The following SUGCT variants were observed in gnomAD, a reference collection of about 807,000 sequenced individuals.
SUGCT encodes succinyl-CoA:glutarate-CoA transferase.
Under a neutral mutation model 55.0 loss-of-function variants are expected in SUGCT, and 41 were observed. That is an observed-to-expected ratio of 0.74 (90% CI 0.58 to 0.97). The LOEUF (loss-of-function observed/expected upper bound fraction) is 0.97, where lower values mean the gene tolerates loss of function less well. Ranked by LOEUF, SUGCT falls within the 50% of genes least tolerant of loss-of-function variation. The pLI is 0.00. For missense variants in SUGCT, 568 were observed against 547.8 expected (o/e 1.04, Z -0.37); for synonymous variants, 187 against 200.4 (o/e 0.93, Z 0.56).
At position 40,316,877 on chromosome 7, in the gene SUGCT, G is replaced by A. The variant is rs778785856; in HGVS notation, c.816+22G>A. ...CCAGGTAAGACTACAGCAGTCTAGGGTTGGGCTGTTGTAATTTGCAGTTTT... is the reference window on the plus strand; with the variant it reads ...CCAGGTAAGACTACAGCAGTCTAGGATTGGGCTGTTGTAATTTGCAGTTTT... On this transcript the variant is annotated intron_variant, in intron 9 of 13. Coordinates refer to ENST00000335693, the MANE Select transcript of SUGCT (RefSeq NM_001193313.2). 2.0e-5 allele frequency: 26 copies of A among 1,311,476 alleles called. No individual in the cohort carries two copies. The African/African-American group carries it at 3.3e-4, about 16-fold the overall frequency. The allele number at this position is 1,311,476 out of a possible 1,614,324, so 81.2% of individuals were successfully genotyped here.
At chr7:40,636,942 A>G (rs1294728392) in intron 12 of SUGCT, among the ~76,000 whole-genome samples, 1 of 152,206 alleles carries the variant, frequency 6.6e-6, no homozygotes, top group East Asian at 1.9e-4. Context: ...GATTTCACAA[A>G]GGCAGAAGGA....
At chr7:40,240,690 T>C (rs931167333) in intron 7 of SUGCT, among the ~76,000 whole-genome samples, 3 of 152,228 alleles carry the variant, frequency 2.0e-5, no homozygotes, top group African/African-American at 7.2e-5. Flanking sequence ...ATCCATTGCA[T>C]ATGAACTTTT....
chr7:40,554,864 C>T (rs1167511765), intron 12 of SUGCT, among the ~76,000 whole-genome samples: 1 of 152,170 alleles, frequency 6.6e-6, no homozygotes, highest in African/African-American at 2.4e-5. Flanking sequence ...TTATTTCACT[C>T]CTCTGCCTAA....
At chr7:40,482,488 G>A (rs796362166) in intron 11 of SUGCT, among the ~76,000 whole-genome samples, 5 of 152,004 alleles carry the variant, frequency 3.3e-5, no homozygotes, top group Non-Finnish European at 5.9e-5. Flanking sequence ...TCTCTCTGTC[G>A]ATATTTAAAT....
At chr7:40,870,767 C>T in the SUGCT span, among the ~76,000 whole-genome samples, 6 of 152,018 alleles carry the variant, frequency 3.9e-5, no homozygotes, top group South Asian at 2.1e-4. Context: ...AAGAGTTGCC[C>T]GTTCTCCATT....
chr7:40,968,715 A>T, the SUGCT span, among the ~76,000 whole-genome samples: 2 of 152,200 alleles, frequency 1.3e-5, no homozygotes, highest in African/African-American at 4.8e-5. Context: ...CTTAATGTTC[A>T]CCAAGACAAG....
At chr7:40,619,072 ATAC>A in intron 12 of SUGCT, among the ~76,000 whole-genome samples, 1 of 152,268 alleles carries the variant, frequency 6.6e-6, no homozygotes, top group East Asian at 1.9e-4. Flanking sequence ...CTGGCCAGGA[ATAC>A]TATGGGAGTT....
intron 12 of SUGCT, among the ~76,000 whole-genome samples, chr7:40,557,796 A>T (rs1795633655): frequency 6.6e-6 from 1 of 151,866 alleles, no homozygotes; most frequent in Admixed American, 6.6e-5. Flanking sequence ...AGAAAAAAGA[A>T]AAAAGACACT....
At chr7:40,565,095 T>A (rs1045503229) in intron 12 of SUGCT, among the ~76,000 whole-genome samples, 9 of 152,230 alleles carry the variant, frequency 5.9e-5, no homozygotes, top group African/African-American at 1.2e-4. Flanking sequence ...GCAGTTGTTA[T>A]TACCAGAATT....
chr7:40,243,900 C>T (rs950653119), intron 7 of SUGCT, among the ~76,000 whole-genome samples: 14 of 152,138 alleles, frequency 9.2e-5, no homozygotes, highest in Non-Finnish European at 1.6e-4. Context: ...AGGCAGAGTG[C>T]GGTGGCTCAC....
At chr7:40,975,972 C>G in the SUGCT span, among the ~76,000 whole-genome samples, 1 of 152,162 alleles carries the variant, frequency 6.6e-6, no homozygotes, top group Non-Finnish European at 1.5e-5. Flanking sequence ...ATGACCACGT[C>G]TGTGTCATCT....
chr7:40,470,752 T>C (rs1790361543), intron 11 of SUGCT, among the ~76,000 whole-genome samples: 1 of 126,968 alleles, frequency 7.9e-6, no homozygotes, highest in East Asian at 2.0e-4. Flanking sequence ...GAACAGTCTC[T>C]CTCTCTCTCT....
chr7:40,198,020 T>C lies in SUGCT; in HGVS notation c.484+2960T>C, dbSNP rs117042866. 2.4e-3 allele frequency among the ~76,000 whole-genome samples: 370 copies of C among 152,286 alleles called. 1 individual carries two copies. Among genetic ancestry groups the C allele is most frequent in the Non-Finnish European group, 4.2e-3 (286 of 68,034 alleles). On this transcript the variant is annotated intron_variant, in intron 6 of 13. Transcript: ENST00000335693. ...GTGGTGAAATGGCATTGGAGATAGATTATATAATTCAGTAGTTCTCAGACA... is the reference window on the plus strand; with the variant it reads ...GTGGTGAAATGGCATTGGAGATAGACTATATAATTCAGTAGTTCTCAGACA...
chr7:40,212,259 T>TA (rs533514969), intron 6 of SUGCT, among the ~76,000 whole-genome samples: 9,198 of 140,166 alleles, frequency 0.066, 364 homozygotes, highest in Non-Finnish European at 0.095. Context: ...ACCCCATATC[T>TA]AAAAAAAAAA....
chr7:40,806,079 G>T (rs1267053689), intron 13 of SUGCT, among the ~76,000 whole-genome samples: 2 of 152,126 alleles, frequency 1.3e-5, no homozygotes, highest in Non-Finnish European at 2.9e-5. Flanking sequence ...TAAGTTTGAT[G>T]AGTTACTCTG....
At chr7:40,480,809 C>T (rs887611707) in intron 11 of SUGCT, among the ~76,000 whole-genome samples, 3 of 151,872 alleles carry the variant, frequency 2.0e-5, no homozygotes, top group African/African-American at 7.3e-5. Context: ...GGAGAATAAG[C>T]TTCAGACCAC....
intron 12 of SUGCT, among the ~76,000 whole-genome samples, chr7:40,747,202 C>T (rs750561522): frequency 7.2e-5 from 11 of 152,170 alleles, no homozygotes; most frequent in Non-Finnish European, 1.5e-4. Flanking sequence ...TGTTATCATC[C>T]TCAATGAGGG....
At chr7:40,851,377 C>T (rs1355085258) in intron 13 of SUGCT, among the ~76,000 whole-genome samples, 1 of 152,158 alleles carries the variant, frequency 6.6e-6, no homozygotes, top group Non-Finnish European at 1.5e-5. Flanking sequence ...AAACACATAG[C>T]ATCTCATGTC....
At chr7:40,327,053 A>G (rs1796058060) in intron 9 of SUGCT, among the ~76,000 whole-genome samples, 1 of 152,220 alleles carries the variant, frequency 6.6e-6, no homozygotes, top group Non-Finnish European at 1.5e-5. Flanking sequence ...TACATTTCAG[A>G]GGCTTCTACA....
Sources: gnomAD v4.1 joint callset for allele counts (sites outside exome capture counted in the v4.1 genomes callset) on GRCh38, gnomAD v4.1.1 for gene constraint, MANE v1.5 for transcripts, NCBI Gene and HGNC (gene_info 2026-07-23, HGNC 2026-07-21) for gene names.